Variants in UGT2B15 observed in about 807,000 individuals in gnomAD.
The protein encoded by UGT2B15 is UDP-glucuronosyltransferase 2B15.
A neutral mutation model predicts 45.9 loss-of-function variants in UGT2B15; 36 were observed. That is an observed-to-expected ratio of 0.78 (90% CI 0.60 to 1.04). The LOEUF is 1.04. Ranked by LOEUF, UGT2B15 falls within the 50% of genes least tolerant of loss-of-function variation. The probability of loss-of-function intolerance (pLI) is 0.00; values close to 1 mark genes in which losing one functional copy is unlikely to be tolerated. For synonymous variants in UGT2B15, 219 were observed against 216.4 expected (o/e 1.01, Z -0.11); for missense variants, 617 against 622.4 (o/e 0.99, Z 0.09).
Position 68,666,705 on chromosome 4 carries a change from C to T in UGT2B15, c.873+1335G>A, listed in dbSNP as rs1733130097. ...TCTTTTCACTCTTTTCAGTAGCTCTCCATTGTCCCTATGGGTATATCAAAT... is the reference window on the plus strand; with the variant it reads ...TCTTTTCACTCTTTTCAGTAGCTCTTCATTGTCCCTATGGGTATATCAAAT... On this transcript the variant is annotated intron_variant, in intron 2 of 5. Coordinates refer to ENST00000338206, the MANE Select transcript of UGT2B15 (RefSeq NM_001076.4). Among the ~76,000 whole-genome samples, 4 of 149,636 alleles carry T rather than the reference C, an allele frequency of 2.7e-5. No homozygotes were observed. The South Asian group carries it at 8.4e-4, about 31-fold the overall frequency.
At chr4:68,655,748 T>C (rs778496042) in intron 3 of UGT2B15, among the ~76,000 whole-genome samples, 3 of 152,116 alleles carry the variant, frequency 2.0e-5, no homozygotes, top group African/African-American at 7.2e-5. Context: ...ATGTCTCATG[T>C]ATCCCTAAAA....
intron 5 of UGT2B15, among the ~76,000 whole-genome samples, chr4:68,651,528 G>C (rs1732654753): frequency 1.3e-5 from 2 of 151,892 alleles, no homozygotes; most frequent in Non-Finnish European, 1.5e-5. Flanking sequence ...CTTTGTTCCA[G>C]TACTATGCTG....
Position 68,658,861 on chromosome 4 carries a change from C to T in UGT2B15, c.1006-3679G>A, listed in dbSNP as rs150701357. The stretch of plus-strand genomic sequence containing the variant: ...GTGCTTTCTAAAAGCTATTCAGCTC[C>T]TCAAGGTCCAGGGACTATCACAGAA... On this transcript the variant is annotated intron_variant, in intron 3 of 5. Transcript: ENST00000338206. 6.6e-3 allele frequency among the ~76,000 whole-genome samples: 999 copies of T among 152,126 alleles called. 16 individuals are homozygous for T. Among genetic ancestry groups the T allele is most frequent in the African/African-American group, 0.021 (875 of 41,536 alleles).
intron 5 of UGT2B15, among the ~76,000 whole-genome samples, chr4:68,652,057 G>A (rs1278616586): frequency 6.6e-6 from 1 of 151,966 alleles, no homozygotes. Context: ...CTTCAGCAGT[G>A]GTTTCTAGTC....
intron 5 of UGT2B15, among the ~76,000 whole-genome samples, chr4:68,648,369 T>C (rs1732546594): frequency 6.7e-6 from 1 of 150,304 alleles, no homozygotes; most frequent in Non-Finnish European, 1.5e-5. Context: ...ACACCTTTTG[T>C]TCCCCGTGTC....
intron 5 of UGT2B15, among the ~76,000 whole-genome samples, chr4:68,650,114 G>A (rs1197006797): frequency 5.9e-5 from 9 of 152,138 alleles, no homozygotes; most frequent in South Asian, 2.1e-4. Context: ...GATTACGGGC[G>A]TGAGTCACTG....
chr4:68,665,806 G>T (rs1560610743), intron 2 of UGT2B15, among the ~76,000 whole-genome samples: 1 of 152,084 alleles, frequency 6.6e-6, no homozygotes, highest in Non-Finnish European at 1.5e-5. Flanking sequence ...CAGCACTTTG[G>T]GAGGCTGAGG....
chr4:68,659,148 G>A (rs1250763864), intron 3 of UGT2B15, among the ~76,000 whole-genome samples: 1 of 151,900 alleles, frequency 6.6e-6, no homozygotes, highest in Non-Finnish European at 1.5e-5. Flanking sequence ...AAGTTATTTG[G>A]CTTCATGCTA....
At position 68,649,583 on chromosome 4, in the gene UGT2B15, C is replaced by A. The variant is rs1732591175; in HGVS notation, c.1314-2200G>T. Among the ~76,000 whole-genome samples the A allele has an allele frequency of 2.0e-5, 3 of 151,688 alleles. No homozygotes were observed. In the South Asian group the frequency reaches 6.2e-4, roughly 32 times the overall value. ...GGTGTGAGCCACCACACCCGGTCTC[C>A]ATAAACTCTTTTAAAAATGTTTATT... is the stretch of plus-strand genomic sequence containing the variant. On this transcript the variant is annotated intron_variant, in intron 5 of 5. Transcript: ENST00000338206.
At chr4:68,667,806 C>T (rs921503356) in intron 2 of UGT2B15, among the ~76,000 whole-genome samples, 20 of 152,044 alleles carry the variant, frequency 1.3e-4, no homozygotes, top group African/African-American at 4.8e-4. Flanking sequence ...ACAATGAAGG[C>T]CTTACTTTAA....
chr4:68,654,032 C>T lies in UGT2B15; in HGVS notation c.1313+5G>A, dbSNP rs1157603665. The T allele has an allele frequency of 6.2e-7, 1 of 1,611,288 alleles. No individual in the cohort carries two copies. Among genetic ancestry groups the T allele is most frequent in the Admixed American group, 1.7e-5 (1 of 59,872 alleles). On this transcript the variant is annotated splice_donor_5th_base_variant and intron_variant, in intron 5 of 5. Transcript: ENST00000338206. ...ACCACCTGGTCACAAAACTGTAATACTCACACAGGGTCATTAATGACTGAC... is the reference window on the plus strand; with the variant it reads ...ACCACCTGGTCACAAAACTGTAATATTCACACAGGGTCATTAATGACTGAC...
At chr4:68,655,046 C>T (rs1238517594) in intron 4 of UGT2B15, 49 bp downstream of exon 4, 3 of 1,581,954 alleles carry the variant, frequency 1.9e-6, no homozygotes, top group Non-Finnish European at 2.6e-6. Flanking sequence ...TATTATCACT[C>T]CAATTTGCTG....
Position 68,650,184 on chromosome 4 carries a change from A to G in UGT2B15, c.1314-2801T>C, listed in dbSNP as rs531358475. Among the ~76,000 whole-genome samples the G allele has an allele frequency of 4.7e-4, 71 of 152,100 alleles. 1 individual carries two copies. Among genetic ancestry groups the G allele is most frequent in the African/African-American group, 1.7e-3 (69 of 41,504 alleles). On this transcript the variant is annotated intron_variant, in intron 5 of 5. Transcript: ENST00000338206. ...ATTTTTACTTTAAGTTCCAGTATACATGTGCAGAATGTGCAGGTTTGTTAC... is the reference window on the plus strand; with the variant it reads ...ATTTTTACTTTAAGTTCCAGTATACGTGTGCAGAATGTGCAGGTTTGTTAC...
At chr4:68,657,562 A>C (rs1385756233) in intron 3 of UGT2B15, among the ~76,000 whole-genome samples, 2 of 152,088 alleles carry the variant, frequency 1.3e-5, no homozygotes, top group African/African-American at 4.8e-5. Flanking sequence ...GAAAACAAGA[A>C]GAATGACCCC....
At chr4:68,653,460 A>T (rs1429903146) in intron 5 of UGT2B15, among the ~76,000 whole-genome samples, 1 of 152,008 alleles carries the variant, frequency 6.6e-6, no homozygotes, top group East Asian at 1.9e-4. Flanking sequence ...ACAAAGTAAG[A>T]TGGTATTTTT....
rs574051126 is a variant in UGT2B15, at chr4:68,647,110, T to C, written c.1587A>G (p.Arg529=). Residue 529 remains arginine, a synonymous_variant, in exon 6 of 6, where the codon AGA becomes AGG. Coordinates refer to ENST00000338206, the MANE Select transcript of UGT2B15 (RefSeq NM_001076.4). ...KLAKKGKKKK[R]D ...CTTCAGGCTTTTGATATAACTAATCTCTTTTCTTCTTCTTTCCTTTTTTGG... is the reference window on the plus strand; with the variant it reads ...CTTCAGGCTTTTGATATAACTAATCCCTTTTCTTCTTCTTTCCTTTTTTGG... The C allele has an allele frequency of 3.2e-5, 52 of 1,612,796 alleles. No individual in the cohort carries two copies. In the Admixed American group the frequency reaches 3.8e-4, roughly 12 times the overall value.
chr4:68,664,488 T>TA (rs995684408), intron 2 of UGT2B15, among the ~76,000 whole-genome samples: 8 of 152,008 alleles, frequency 5.3e-5, no homozygotes, highest in Non-Finnish European at 7.4e-5. Context: ...TGTTTACAAA[T>TA]AAAAAAAGAA....
intron 3 of UGT2B15, among the ~76,000 whole-genome samples, chr4:68,657,523 G>C (rs1457388956): frequency 6.6e-6 from 1 of 152,106 alleles, no homozygotes; most frequent in Non-Finnish European, 1.5e-5. Flanking sequence ...AGGAAAAAAA[G>C]TGGGAAACAA....
intron 5 of UGT2B15, among the ~76,000 whole-genome samples, chr4:68,649,104 T>C (rs1323507454): frequency 1.3e-5 from 2 of 151,898 alleles, no homozygotes; most frequent in Admixed American, 6.6e-5. Flanking sequence ...AAAAATATTT[T>C]TTATTTTAAA....
Sources: allele counts gnomAD v4.1 joint callset (sites outside exome capture counted in the v4.1 genomes callset), GRCh38; gene constraint gnomAD v4.1.1; transcripts MANE v1.5; gene names NCBI Gene and HGNC (gene_info 2026-07-23, HGNC 2026-07-21).